Variants in MXRA8 observed in about 807,000 individuals in gnomAD.
MXRA8 encodes matrix remodeling associated 8, also known as matrix remodeling-associated protein 8.
Under a neutral mutation model 51.4 loss-of-function variants are expected in MXRA8, and 44 were observed. The ratio of observed to expected loss-of-function variants is 0.86; its 90% CI spans 0.67 to 1.10. The LOEUF is 1.10. Among genes scored for constraint, MXRA8 ranks in the 50% least tolerant of loss-of-function variants. MXRA8 has a pLI of 0.00. For synonymous variants in MXRA8, 369 were observed against 293.5 expected (o/e 1.26, Z -2.63); for missense variants, 765 against 638.9 (o/e 1.20, Z -2.13).
rs775987845 is a variant in MXRA8, at chr1:1,358,527, T to G, written c.-23A>C. ...CATGGCCCCCGCCCAGCCCCAGGCT[T>G]TGTCCCACTCGGCTCTAAGTCTCTC... On this transcript the variant is annotated 5_prime_UTR_variant, in exon 1 of 10. Transcript: ENST00000309212. 7.5e-6 allele frequency: 12 copies of G among 1,610,194 alleles called. No homozygotes were observed. Among genetic ancestry groups the G allele is most frequent in the Non-Finnish European group, 1.0e-5 (12 of 1,178,218 alleles).
upstream of MXRA8, chr1:1,361,157 A>G (rs752896446): frequency 6.2e-5 from 43 of 694,576 alleles, no homozygotes; most frequent in Non-Finnish European, 1.0e-4. Flanking sequence ...GATACACGGA[A>G]ACACAAACAC....
Position 1,354,520 on chromosome 1 carries a change from C to G in MXRA8, c.950-11G>C, listed in dbSNP as rs372779307. 6.2e-7 allele frequency: 1 copy of G among 1,609,810 alleles called. No individual in the cohort carries two copies. The highest frequency in any genetic ancestry group is 8.5e-7 in the Non-Finnish European group (1 of 1,178,538). On this transcript the variant is annotated splice_polypyrimidine_tract_variant and intron_variant, in intron 5 of 9. Coordinates refer to ENST00000309212, the MANE Select transcript of MXRA8 (RefSeq NM_032348.4). ...GCGCCAGTGTGGGGTCTGCGGGGAA[C>G]GCGGGGTCGGGGCGGCGTCAGGTAC...
At position 1,355,560 on chromosome 1, in the gene MXRA8, A is replaced by G; in HGVS notation, c.266T>C (p.Leu89Pro). 1.3e-6 allele frequency: 2 copies of G among 1,483,938 alleles called. No homozygotes were observed. Among genetic ancestry groups the G allele is most frequent in the African/African-American group, 1.5e-5 (1 of 68,510 alleles). The allele number at this position is 1,483,938 out of a possible 1,614,324, so 91.9% of individuals were successfully genotyped here. ...GPGGGPARRL[L>P]DLYSAGEQRV... ...CTGCTCGCCCGCCGAGTACAAGTCC[A>G]GCAGGCGCCGCGCGGGGCCACCCCC... The change falls in exon 3 of 10, where the codon CTG (leucine) becomes CCG (proline). Residue 89 changes from leucine to proline, a missense_variant. Transcript: ENST00000309212.
chr1:1,358,830 A>G (rs559892749), upstream of MXRA8: 4 of 1,125,412 alleles, frequency 3.6e-6, no homozygotes, highest in African/African-American at 3.3e-5. Flanking sequence ...TCTCACGTCT[A>G]GGAGCCTCCC....
chr1:1,353,760 G>A, intron 9 of MXRA8, 88 bp downstream of exon 9: 3 of 1,472,318 alleles, frequency 2.0e-6, no homozygotes, highest in East Asian at 2.4e-5. Flanking sequence ...CCCGGGCCTG[G>A]CTGGTGCCTG....
At chr1:1,355,931 C>CG (rs1644119511) in intron 2 of MXRA8, among the ~76,000 whole-genome samples, 179 bp from the exon 3 acceptor site, 1 of 74,422 alleles carries the variant, frequency 1.3e-5, no homozygotes, top group Admixed American at 1.9e-4. Context: ...CCCCGAGGGC[C>CG]TGGATAGGGG....
At chr1:1,361,483 A>G, upstream of MXRA8, 1 of 583,936 alleles carries the variant, frequency 1.7e-6, no homozygotes, top group Non-Finnish European at 3.1e-6. Flanking sequence ...GGACCCAAGG[A>G]AGCAACCTCT....
At chr1:1,356,751 A>G (rs141676214) in intron 1 of MXRA8, 47 bp from the exon 2 acceptor site, 71,749 of 1,120,808 alleles carry the variant, frequency 0.064, 2,174 homozygotes, top group Non-Finnish European at 0.071. Flanking sequence ...AGCCCCACCC[A>G]GCCCCGAGAC....
upstream of MXRA8, chr1:1,358,886 G>A (rs1467108897): frequency 1.4e-5 from 14 of 1,018,920 alleles, no homozygotes; most frequent in African/African-American, 1.7e-5. Context: ...TGGCCCCTCC[G>A]CCCCACCTCT....
At chr1:1,362,449 G>A (rs1261616077), upstream of MXRA8, among the ~76,000 whole-genome samples, 6 of 151,858 alleles carry the variant, frequency 4.0e-5, no homozygotes, top group East Asian at 1.2e-3. Context: ...ATGACCTTAG[G>A]CCCCAGGGCC....
chr1:1,357,348 G>A (rs1644153400), intron 1 of MXRA8, among the ~76,000 whole-genome samples: 1 of 152,120 alleles, frequency 6.6e-6, no homozygotes, highest in African/African-American at 2.4e-5. Context: ...CCCCGTCCTC[G>A]AGCTGATCCA....
At chr1:1,361,947 A>G (rs185315046), upstream of MXRA8, among the ~76,000 whole-genome samples, 26 of 152,378 alleles carry the variant, frequency 1.7e-4, 1 homozygote, top group Admixed American at 1.3e-3. Flanking sequence ...GATATATTGA[A>G]GTTTTGGTTA....
chr1:1,359,531 C>T, upstream of MXRA8: 1 of 985,288 alleles, frequency 1.0e-6, no homozygotes, highest in Non-Finnish European at 1.2e-6. Context: ...GCTCTCCTTA[C>T]AGGCCCCGAG....
At chr1:1,357,872 G>T (rs1173106154) in intron 1 of MXRA8, among the ~76,000 whole-genome samples, 1 of 152,186 alleles carries the variant, frequency 6.6e-6, no homozygotes, top group Non-Finnish European at 1.5e-5. Flanking sequence ...GGGTTGGCCT[G>T]GGGGTCCCTG....
chr1:1,360,908 G>A (rs890425694), upstream of MXRA8, among the ~76,000 whole-genome samples: 15 of 151,288 alleles, frequency 9.9e-5, no homozygotes, highest in Admixed American at 6.6e-4. Flanking sequence ...AGATACACAC[G>A]CATGCACACG....
At position 1,354,543 on chromosome 1, in the gene MXRA8, T is replaced by C. The variant is rs1569782964; in HGVS notation, c.950-34A>G. 3.1e-6 allele frequency: 5 copies of C among 1,605,106 alleles called. No homozygotes were observed. The East Asian group carries it at 8.9e-5, about 29-fold the overall frequency. On this transcript the variant is annotated intron_variant, in intron 5 of 9. Transcript: ENST00000309212. ...AACGCGGGGTCGGGGCGGCGTCAGG[T>C]ACCAGCAAGACCTGCGCCCCGACCC...
At position 1,354,921 on chromosome 1, in the gene MXRA8, A is replaced by G. The variant is rs750276776; in HGVS notation, c.710T>C (p.Leu237Pro). The change falls in exon 5 of 10, where the codon CTT becomes CCT. Residue 237 changes from leucine to proline, a missense_variant. Coordinates refer to ENST00000309212, the MANE Select transcript of MXRA8 (RefSeq NM_032348.4). ...CACAGCCACGCGGTCGCGCAGAAAA[A>G]GGGGCCCGTAGGCGCGGCGCTCGCC... Reference protein sequence around the residue: ...ASGERRAYGPLFLRDRVAVGA... With the variant: ...ASGERRAYGPPFLRDRVAVGA... 3.1e-6 allele frequency: 5 copies of G among 1,606,356 alleles called. No individual in the cohort carries two copies. In the East Asian group the frequency reaches 6.7e-5, roughly 22 times the overall value.
chr1:1,361,469 G>A (rs1234396350), upstream of MXRA8: 17 of 596,486 alleles, frequency 2.9e-5, no homozygotes, highest in East Asian at 5.6e-5. Context: ...GGGCGAGGAC[G>A]GACGGACCCA....
rs1465209513 is a variant in MXRA8, at chr1:1,353,598, G to A, written c.*6C>T. ...CTGCTGGCCCAGCCAGGAGCCCAGG[G>A]CCTCCCTATTTGCAGTTCTCCTTCC... On this transcript the variant is annotated 3_prime_UTR_variant, in exon 10 of 10. Coordinates refer to ENST00000309212, the MANE Select transcript of MXRA8 (RefSeq NM_032348.4). 2.6e-6 allele frequency: 4 copies of A among 1,560,924 alleles called. No individual in the cohort carries two copies. In the South Asian group the frequency reaches 3.5e-5, roughly 14 times the overall value.
Sources: allele counts gnomAD v4.1 joint callset (sites outside exome capture counted in the v4.1 genomes callset), GRCh38; gene constraint gnomAD v4.1.1; transcripts MANE v1.5; gene names NCBI Gene and HGNC (gene_info 2026-07-23, HGNC 2026-07-21).